SLCO5A1: variants seen among roughly 807,000 people sequenced by gnomAD.
The protein encoded by SLCO5A1 is organic anion transporter polypeptide-related protein 4.
SLCO5A1 carries 39 observed loss-of-function variants against 65.1 expected under a neutral mutation model. The observed-to-expected ratio is 0.60, with a 90% CI of 0.46 to 0.78. The LOEUF (loss-of-function observed/expected upper bound fraction) is 0.78. SLCO5A1 is among the 30% of genes least tolerant of loss of function. The pLI, the probability that SLCO5A1 is intolerant of heterozygous loss-of-function variation, is 0.00. For synonymous variants in SLCO5A1, 438 were observed against 415.7 expected (o/e 1.05, Z -0.65); for missense variants, 1,029 against 1,069.4 (o/e 0.96, Z 0.53).
At chr8:69,701,473 C>T (rs1017721441) in intron 6 of SLCO5A1, among the ~76,000 whole-genome samples, 1 of 152,152 alleles carries the variant, frequency 6.6e-6, no homozygotes, top group African/African-American at 2.4e-5. Flanking sequence ...AAACATTTTA[C>T]AGTCTATTCT....
intron 6 of SLCO5A1, among the ~76,000 whole-genome samples, chr8:69,693,576 C>G (rs1443027380): frequency 6.6e-6 from 1 of 152,092 alleles, no homozygotes. Context: ...GCATCCAGAA[C>G]CAAAGAAACC....
intron 4 of SLCO5A1, among the ~76,000 whole-genome samples, chr8:69,738,506 G>C (rs1036026322): frequency 6.6e-6 from 1 of 151,826 alleles, no homozygotes; most frequent in East Asian, 1.9e-4. Flanking sequence ...AAAACTGTTA[G>C]AATTATTTGC....
intron 2 of SLCO5A1, among the ~76,000 whole-genome samples, chr8:69,800,250 T>A (rs1399874944): frequency 7.0e-6 from 1 of 143,136 alleles, no homozygotes; most frequent in Non-Finnish European, 1.5e-5. Context: ...CTTGAATTTT[T>A]TTTTTTTTTT....
intron 5 of SLCO5A1, among the ~76,000 whole-genome samples, chr8:69,723,751 G>A (rs550752115): frequency 7.9e-4 from 117 of 148,044 alleles, no homozygotes; most frequent in Admixed American, 2.0e-3. Context: ...GTGCTCATTC[G>A]TTTAACAACA....
At chr8:69,729,647 C>T (rs1450186921) in intron 5 of SLCO5A1, among the ~76,000 whole-genome samples, 1 of 151,852 alleles carries the variant, frequency 6.6e-6, no homozygotes, top group African/African-American at 2.4e-5. Context: ...ACTGGCCAAA[C>T]AAGAAGCTGG....
intron 6 of SLCO5A1, among the ~76,000 whole-genome samples, chr8:69,686,404 T>C: frequency 6.6e-6 from 1 of 152,238 alleles, no homozygotes; most frequent in East Asian, 1.9e-4. Context: ...AACCCTTCTT[T>C]GGCTATACAG....
intron 2 of SLCO5A1, among the ~76,000 whole-genome samples, chr8:69,778,595 A>G (rs774238996): frequency 2.0e-5 from 3 of 152,192 alleles, no homozygotes; most frequent in Non-Finnish European, 2.9e-5. Flanking sequence ...TCTCTAATTG[A>G]ATACATATTA....
At chr8:69,715,624 A>G (rs1288139215) in intron 5 of SLCO5A1, among the ~76,000 whole-genome samples, 3 of 152,218 alleles carry the variant, frequency 2.0e-5, no homozygotes, top group African/African-American at 7.2e-5. Flanking sequence ...TGGAAAAAAA[A>G]TTGAGACAAA....
chr8:69,761,317 C>A, intron 3 of SLCO5A1: 1 of 177,958 alleles, frequency 5.6e-6, no homozygotes, highest in Non-Finnish European at 1.2e-5. Context: ...GGGGAAGAAC[C>A]CATTTCCTTG....
At position 69,673,048 on chromosome 8, in the gene SLCO5A1, C is replaced by T. The variant is rs896072891; in HGVS notation, c.2368G>A (p.Ala790Thr). 1 of 1,614,218 alleles carries T rather than the reference C, an allele frequency of 6.2e-7. No individual in the cohort carries two copies. Among genetic ancestry groups the T allele is most frequent in the Non-Finnish European group, 8.5e-7 (1 of 1,180,038 alleles). ...VSERVGHPDN[A>T]RTRSCPAFST... ...AAAGCTGGGCAAGATCTAGTCCGGGCATTGTCGGGGTGTCCCACTCTCTCA... is the reference window on the plus strand; with the variant it reads ...AAAGCTGGGCAAGATCTAGTCCGGGTATTGTCGGGGTGTCCCACTCTCTCA... The change falls in exon 10 of 10, where the codon GCC (alanine) becomes ACC (threonine). Residue 790 changes from alanine (A) to threonine (T), a missense_variant. Coordinates refer to ENST00000260126, the MANE Select transcript of SLCO5A1 (RefSeq NM_030958.3).
At position 69,731,001 on chromosome 8, in the gene SLCO5A1, A is replaced by ATT. The variant is rs200542062; in HGVS notation, c.1423+7037_1423+7038dup. ...TTAGGTTGGTGCAAAAGTAATTGCA[A>ATT]TTTTTTTTTTTTTTGAGATGAAGTC... On this transcript the variant is annotated intron_variant, in intron 5 of 9. Transcript: ENST00000260126. 3.6e-3 allele frequency among the ~76,000 whole-genome samples: 527 copies of ATT among 145,268 alleles called. 2 individuals carry two copies. Among genetic ancestry groups the ATT allele is most frequent in the African/African-American group, 9.1e-3 (363 of 39,844 alleles).
intron 4 of SLCO5A1, among the ~76,000 whole-genome samples, chr8:69,743,448 C>G (rs1816888202): frequency 6.6e-6 from 1 of 152,108 alleles, no homozygotes. Flanking sequence ...AAACTCAGGG[C>G]TCAAGCAATC....
At chr8:69,775,825 G>A (rs1818530071) in intron 2 of SLCO5A1, among the ~76,000 whole-genome samples, 1 of 152,048 alleles carries the variant, frequency 6.6e-6, no homozygotes, top group African/African-American at 2.4e-5. Flanking sequence ...ACCAAGCTGG[G>A]CGACATAGTG....
At chr8:69,710,830 C>T (rs893051194) in intron 5 of SLCO5A1, among the ~76,000 whole-genome samples, 11 of 152,118 alleles carry the variant, frequency 7.2e-5, no homozygotes, top group African/African-American at 2.7e-4. Flanking sequence ...TGTTCTTCGG[C>T]GCCCCCATCA....
chr8:69,721,158 T>C (rs962602256), intron 5 of SLCO5A1, among the ~76,000 whole-genome samples: 2 of 152,166 alleles, frequency 1.3e-5, no homozygotes, highest in Non-Finnish European at 2.9e-5. Flanking sequence ...ATTTTGCTAC[T>C]TGAAATGCAG....
intron 5 of SLCO5A1, among the ~76,000 whole-genome samples, chr8:69,731,828 C>A (rs750936864): frequency 6.6e-6 from 1 of 152,136 alleles, no homozygotes; most frequent in Non-Finnish European, 1.5e-5. Flanking sequence ...TCAGAGCCAC[C>A]ATGCTTGAGT....
chr8:69,832,717 T>C lies in SLCO5A1; in HGVS notation c.-44A>G, dbSNP rs757816593. ...TTGATAGCTGATGGCACCCAAGCAC[T>C]CCGGCACGTTTCATCCACCGGCACG... is the stretch of plus-strand genomic sequence containing the variant. On this transcript the variant is annotated 5_prime_UTR_variant, in exon 2 of 10. Transcript: ENST00000260126. This position sits in a 1 kb window ranked among gnomAD's most constrained non-coding sequence, Gnocchi z 4.5. 3.9e-6 allele frequency: 6 copies of C among 1,541,032 alleles called. No individual in the cohort carries two copies. The South Asian group carries it at 7.3e-5, about 19-fold the overall frequency.
At chr8:69,680,934 G>A (rs1349970835) in intron 7 of SLCO5A1, among the ~76,000 whole-genome samples, 1 of 152,134 alleles carries the variant, frequency 6.6e-6, no homozygotes, top group Non-Finnish European at 1.5e-5. Context: ...ACTTGAAGCA[G>A]TCATAAGAAA....
chr8:69,788,199 A>G (rs1819117396), intron 2 of SLCO5A1, among the ~76,000 whole-genome samples: 1 of 152,294 alleles, frequency 6.6e-6, no homozygotes. Context: ...CAATTACCCC[A>G]TTAAGGAGCT....
Sources: allele counts gnomAD v4.1 joint callset (sites outside exome capture counted in the v4.1 genomes callset), GRCh38; gene constraint gnomAD v4.1.1; non-coding constraint Gnocchi (gnomAD v3.1); transcripts MANE v1.5; gene names NCBI Gene and HGNC (gene_info 2026-07-23, HGNC 2026-07-21).